FTCDNL1: variants seen among roughly 807,000 people sequenced by gnomAD.
The protein encoded by FTCDNL1 is formiminotransferase cyclodeaminase N-terminal like.
FTCDNL1 carries 11 observed loss-of-function variants against 5.9 expected under a neutral mutation model. The observed-to-expected ratio is 1.87, with a 90% confidence interval of 1.18 to 3.10. FTCDNL1 has a LOEUF of 3.10. Among genes scored for constraint, FTCDNL1 ranks in the 30% most tolerant of loss-of-function variants. FTCDNL1 has a pLI of 0.00. For missense variants in FTCDNL1, 115 were observed against 65.5 expected (o/e 1.76, Z -2.61); for synonymous variants, 58 against 24.8 (o/e 2.34, Z -3.99).
chr2:199,744,997 G>C, the FTCDNL1 span, among the ~76,000 whole-genome samples: 2 of 152,174 alleles, frequency 1.3e-5, no homozygotes, highest in Non-Finnish European at 1.5e-5. Flanking sequence ...CCTCCCAGAC[G>C]CATCATCCTG....
the FTCDNL1 span, among the ~76,000 whole-genome samples, chr2:199,668,786 G>T: frequency 6.6e-6 from 1 of 152,112 alleles, no homozygotes; most frequent in East Asian, 1.9e-4. Context: ...GACAAAAATT[G>T]CAAAGAGTAG....
the FTCDNL1 span, among the ~76,000 whole-genome samples, chr2:199,744,926 G>A: frequency 5.7e-3 from 869 of 152,306 alleles, 4 homozygotes; most frequent in African/African-American, 0.02. Context: ...CCTCGCAAAG[G>A]CCTCTCCATT....
intron 4 of FTCDNL1, among the ~76,000 whole-genome samples, chr2:199,815,130 G>A (rs1701275755): frequency 6.6e-6 from 1 of 152,130 alleles, no homozygotes; most frequent in South Asian, 2.1e-4. Context: ...AAATATATAT[G>A]TATAAAGTAT....
At chr2:199,666,993 A>G in the FTCDNL1 span, among the ~76,000 whole-genome samples, 2 of 151,778 alleles carry the variant, frequency 1.3e-5, no homozygotes, top group African/African-American at 4.8e-5. Context: ...TCTTTTGTCT[A>G]TACTATGATT....
At chr2:199,667,653 T>C in the FTCDNL1 span, among the ~76,000 whole-genome samples, 3 of 151,878 alleles carry the variant, frequency 2.0e-5, no homozygotes, top group Non-Finnish European at 2.9e-5. Context: ...CAAAACAAAA[T>C]AAAAATAAAT....
chr2:199,704,863 A>G, the FTCDNL1 span, among the ~76,000 whole-genome samples: 1 of 152,144 alleles, frequency 6.6e-6, no homozygotes, highest in Non-Finnish European at 1.5e-5. Flanking sequence ...ATCCACAGAC[A>G]TAGAGATCCA....
the FTCDNL1 span, among the ~76,000 whole-genome samples, chr2:199,670,527 T>G: frequency 1.3e-5 from 2 of 152,166 alleles, no homozygotes; most frequent in African/African-American, 4.8e-5. Context: ...GGCAAAGTAA[T>G]AAGGTCTTTC....
At chr2:199,705,197 G>C in the FTCDNL1 span, among the ~76,000 whole-genome samples, 1 of 152,126 alleles carries the variant, frequency 6.6e-6, no homozygotes, top group Non-Finnish European at 1.5e-5. Flanking sequence ...TGTGGTAAGA[G>C]GGGGAAAGTA....
At chr2:199,794,957 G>C (rs1451778071) in intron 3 of FTCDNL1, among the ~76,000 whole-genome samples, 1 of 152,144 alleles carries the variant, frequency 6.6e-6, no homozygotes, top group Non-Finnish European at 1.5e-5. Context: ...TTACCCTCTT[G>C]AAGAGGCAAC....
At chr2:199,678,853 T>A in the FTCDNL1 span, among the ~76,000 whole-genome samples, 2 of 152,146 alleles carry the variant, frequency 1.3e-5, no homozygotes, top group African/African-American at 4.8e-5. Flanking sequence ...TGAAATTTTT[T>A]ATTGTTTTTC....
chr2:199,706,648 G>A, the FTCDNL1 span, among the ~76,000 whole-genome samples: 9 of 152,124 alleles, frequency 5.9e-5, 1 homozygote, highest in Admixed American at 5.9e-4. Flanking sequence ...AGATGGCAAG[G>A]CCATTGGTTA....
At chr2:199,672,206 A>G in the FTCDNL1 span, among the ~76,000 whole-genome samples, 1 of 152,140 alleles carries the variant, frequency 6.6e-6, no homozygotes, top group Admixed American at 6.5e-5. Context: ...CCCTAAATGT[A>G]TTACATTCTT....
At chr2:199,837,485 T>A (rs1031835494) in intron 3 of FTCDNL1, among the ~76,000 whole-genome samples, 1 of 152,190 alleles carries the variant, frequency 6.6e-6, no homozygotes, top group African/African-American at 2.4e-5. Context: ...TATGAGACAA[T>A]CTCCATAGCA....
At chr2:199,726,180 C>T in the FTCDNL1 span, among the ~76,000 whole-genome samples, 2 of 152,144 alleles carry the variant, frequency 1.3e-5, no homozygotes, top group Non-Finnish European at 2.9e-5. Flanking sequence ...GTCTATTCAG[C>T]TATTGATACT....
chr2:199,755,029 T>C, the FTCDNL1 span, among the ~76,000 whole-genome samples: 1 of 152,136 alleles, frequency 6.6e-6, no homozygotes, highest in Non-Finnish European at 1.5e-5. Flanking sequence ...GACCCAAGTT[T>C]TACTACGAGC....
At chr2:199,710,501 G>C in the FTCDNL1 span, among the ~76,000 whole-genome samples, 1 of 152,140 alleles carries the variant, frequency 6.6e-6, no homozygotes, top group African/African-American at 2.4e-5. Context: ...GGAGCAATAA[G>C]TCAGTAGTTT....
Position 199,848,955 on chromosome 2 carries a change from G to A in FTCDNL1, c.8C>T (p.Ser3Phe), listed in dbSNP as rs73988960. ...AGCCAAACGGAGCCCCACTCTGGAA[G>A]AAGACATGATTTTTCTGGAATAGGA... MS[S>F]SRVGLRLAAC... is the part of the protein sequence containing the mutation. The change falls in exon 2 of 5, where the codon TCT becomes TTT. Residue 3 changes from serine (S) to phenylalanine (F), a missense_variant. Physicochemically the swap from Ser to Phe is radical, Grantham distance 155. Transcript: ENST00000420128. 2 of 701,598 alleles carry A rather than the reference G, an allele frequency of 2.9e-6. No homozygotes were observed. Among genetic ancestry groups the A allele is most frequent in the African/African-American group, 3.5e-5 (2 of 57,308 alleles). The allele number at this position is 701,598 out of a possible 1,614,324, so 43.5% of individuals were successfully genotyped here. A position where few individuals can be genotyped will look rare whatever the true frequency, so the allele number is the denominator to read the frequency against.
chr2:199,668,949 T>G, the FTCDNL1 span, among the ~76,000 whole-genome samples: 1 of 152,132 alleles, frequency 6.6e-6, no homozygotes, highest in African/African-American at 2.4e-5. Flanking sequence ...GTATCTCAGA[T>G]TGTAATAATT....
the FTCDNL1 span, among the ~76,000 whole-genome samples, chr2:199,735,110 C>G: frequency 4.5e-5 from 4 of 88,506 alleles, no homozygotes; most frequent in Non-Finnish European, 4.4e-5. Flanking sequence ...AAGCCACTAC[C>G]TTTAGAAAAA....
Sources: allele counts gnomAD v4.1 joint callset (sites outside exome capture counted in the v4.1 genomes callset), GRCh38; gene constraint gnomAD v4.1.1; transcripts MANE v1.5; gene names NCBI Gene and HGNC (gene_info 2026-07-23, HGNC 2026-07-21).